ALDH1L1: variants seen among roughly 807,000 people sequenced by gnomAD.
The protein encoded by ALDH1L1 is cytosolic 10-formyltetrahydrofolate dehydrogenase.
In ALDH1L1, 68 loss-of-function variants were observed where a neutral mutation model predicts 101.1. The observed-to-expected ratio is 0.67, with a 90% CI of 0.55 to 0.82. The LOEUF is 0.82. Ranked by LOEUF, ALDH1L1 falls within the 40% of genes least tolerant of loss-of-function variation. ALDH1L1 has a pLI of 0.00. For missense variants in ALDH1L1, 1,087 were observed against 1,172.7 expected, an observed-to-expected ratio of 0.93 and a Z score of 1.07; for synonymous variants, 486 against 470.8, an observed-to-expected ratio of 1.03 and a Z score of -0.42.
At chr3:126,123,043 T>C (rs959631311) in intron 16 of ALDH1L1, among the ~76,000 whole-genome samples, 3 of 152,176 alleles carry the variant, frequency 2.0e-5, no homozygotes, top group African/African-American at 7.2e-5. Context: ...ATATGTTATA[T>C]ATGGAGGCAC....
At chr3:126,124,286 AT>A in intron 16 of ALDH1L1, 77 bp downstream of exon 16, 1 of 1,323,940 alleles carries the variant, frequency 7.6e-7, no homozygotes, top group Non-Finnish European at 1.0e-6. Context: ...TCACGCCACT[AT>A]CCAGTAGGGC....
At position 126,103,689 on chromosome 3, in the gene ALDH1L1, A is replaced by G. The variant is rs1209995437; in HGVS notation, c.*102T>C. The G allele has an allele frequency of 1.6e-6, 2 of 1,285,296 alleles. No individual in the cohort carries two copies. The highest frequency in any genetic ancestry group is 4.9e-5 in the East Asian group (2 of 40,738). The allele number at this position is 1,285,296 out of a possible 1,614,324, so 79.6% of individuals were successfully genotyped here. ...ATGGTGTGCAGGCAGGAGGGCTTCC[A>G]CTAGCCCCCCAGGTGGGAGGTGCTG... On this transcript the variant is annotated 3_prime_UTR_variant, in exon 23 of 23. Coordinates refer to ENST00000393434, the MANE Select transcript of ALDH1L1 (RefSeq NM_012190.4).
intron 17 of ALDH1L1, among the ~76,000 whole-genome samples, chr3:126,116,020 A>AT (rs2079961852): frequency 6.7e-6 from 1 of 148,956 alleles, no homozygotes; most frequent in Non-Finnish European, 1.5e-5. Context: ...ATATAGGCAT[A>AT]TACCACCACA....
At chr3:126,185,708 C>T (rs2081512196), upstream of ALDH1L1, among the ~76,000 whole-genome samples, 1 of 152,116 alleles carries the variant, frequency 6.6e-6, no homozygotes, top group African/African-American at 2.4e-5. Context: ...GTGGGTTTCA[C>T]TCTGTTGTCC....
chr3:126,157,457 A>G lies in ALDH1L1; in HGVS notation c.414T>C (p.Asp138=), dbSNP rs754313032. ...KKGGFSIFWA[D]DGLDTGDLLL... The stretch of plus-strand genomic sequence containing the variant: ...GCAGGTCTCCGGTGTCCAGACCATC[A>G]TCCGCCCAGAAGATGGAAAACCCCC... The change falls in exon 4 of 23, where the codon GAT becomes GAC. Residue 138 remains aspartate, a synonymous_variant. Transcript: ENST00000393434. 1.2e-6 allele frequency: 2 copies of G among 1,614,086 alleles called. No individual in the cohort carries two copies. Among genetic ancestry groups the G allele is most frequent in the South Asian group, 2.2e-5 (2 of 91,060 alleles).
intron 19 of ALDH1L1, among the ~76,000 whole-genome samples, chr3:126,112,559 T>G (rs571926796): frequency 6.6e-6 from 1 of 152,334 alleles, no homozygotes; most frequent in Admixed American, 6.5e-5. Flanking sequence ...TTTTTGGTGA[T>G]GTCAGTTTTG....
chr3:126,106,753 G>C (rs1360873765), intron 21 of ALDH1L1, among the ~76,000 whole-genome samples: 2 of 152,208 alleles, frequency 1.3e-5, no homozygotes, highest in African/African-American at 4.8e-5. Context: ...GCAGAGATGG[G>C]TTTGCCTCAT....
chr3:126,112,707 C>G lies in ALDH1L1; in HGVS notation c.2181+75G>C, dbSNP rs888988050. On this transcript the variant is annotated intron_variant, in intron 19 of 22. Coordinates refer to ENST00000393434, the MANE Select transcript of ALDH1L1 (RefSeq NM_012190.4). ...CTCACTTGACCCTGCCCTGTCTCCC[C>G]TCCTCCAACCCCCTCCAGCCAGGCG... 6 of 1,443,780 alleles carry G rather than the reference C, an allele frequency of 4.2e-6. No homozygotes were observed. In the African/African-American group the frequency reaches 9.0e-5, roughly 22 times the overall value. The allele number at this position is 1,443,780 out of a possible 1,614,324, so 89.4% of individuals were successfully genotyped here.
chr3:126,135,088 A>G (rs1248815207), intron 12 of ALDH1L1: 2 of 151,502 alleles, frequency 1.3e-5, no homozygotes, highest in South Asian at 4.2e-4. Flanking sequence ...AAAATGTGAA[A>G]CCTATAGATT....
At position 126,114,985 on chromosome 3, in the gene ALDH1L1, G is replaced by A. The variant is rs745785156; in HGVS notation, c.1983-329C>T. ...CCGTATAAAACCACAGCCTGCCTGTGCACCCCATCTGCTGTCCTTTCCTCT... is the reference window on the plus strand; with the variant it reads ...CCGTATAAAACCACAGCCTGCCTGTACACCCCATCTGCTGTCCTTTCCTCT... On this transcript the variant is annotated intron_variant, in intron 17 of 22. Transcript: ENST00000393434. The A allele has an allele frequency of 2.8e-5, 13 of 471,618 alleles. No individual in the cohort carries two copies. In the East Asian group the frequency reaches 8.3e-4, roughly 30 times the overall value. 29.2% of individuals were successfully genotyped at this position (471,618 alleles called of 1,614,324 possible). A position where few individuals can be genotyped will look rare whatever the true frequency, so the allele number is the denominator to read the frequency against.
chr3:126,174,161 C>A (rs1262705016), intron 1 of ALDH1L1, among the ~76,000 whole-genome samples: 1 of 152,102 alleles, frequency 6.6e-6, no homozygotes, highest in Non-Finnish European at 1.5e-5. Flanking sequence ...GCCTCAGCCG[C>A]CCGAGTAGCT....
At chr3:126,124,265 C>T in intron 16 of ALDH1L1, 99 bp downstream of exon 16, 1 of 1,102,562 alleles carries the variant, frequency 9.1e-7, no homozygotes, top group East Asian at 2.7e-5. Flanking sequence ...TCTCCCCAGG[C>T]TACTCTGCCC....
chr3:126,113,386 C>G (rs1397992195), intron 18 of ALDH1L1, among the ~76,000 whole-genome samples: 1 of 152,196 alleles, frequency 6.6e-6, no homozygotes, highest in Non-Finnish European at 1.5e-5. Context: ...AGAGGTGGGG[C>G]AGCCCTGGCC....
chr3:126,193,439 T>C (rs779389534), intron 1 of ALDH1L1, among the ~76,000 whole-genome samples: 2 of 152,206 alleles, frequency 1.3e-5, no homozygotes, highest in Non-Finnish European at 2.9e-5. Flanking sequence ...TCCTATAATT[T>C]TGTTTTTTTA....
At chr3:126,157,576 C>A in intron 3 of ALDH1L1, 68 bp from the exon 4 acceptor site, 2 of 1,531,648 alleles carry the variant, frequency 1.3e-6, no homozygotes. Flanking sequence ...TGGGTACAGG[C>A]CCGTGGACCT....
chr3:126,149,350 G>C (rs1196557783), intron 8 of ALDH1L1, among the ~76,000 whole-genome samples: 1 of 152,082 alleles, frequency 6.6e-6, no homozygotes, highest in Non-Finnish European at 1.5e-5. Context: ...ACAGATGCAG[G>C]ACTTGGCTGC....
intron 18 of ALDH1L1, among the ~76,000 whole-genome samples, chr3:126,114,164 T>C (rs1478195026): frequency 6.6e-6 from 1 of 152,244 alleles, no homozygotes; most frequent in African/African-American, 2.4e-5. Flanking sequence ...TACATATAGA[T>C]GGTAAAATGG....
At chr3:126,148,338 C>T (rs1203149667) in intron 8 of ALDH1L1, among the ~76,000 whole-genome samples, 2 of 152,228 alleles carry the variant, frequency 1.3e-5, no homozygotes, top group Non-Finnish European at 2.9e-5. Flanking sequence ...ACTGCCCAGC[C>T]TCAGCTCATG....
At chr3:126,112,952 C>T in intron 18 of ALDH1L1, 72 bp from the exon 19 acceptor site, 1 of 1,408,108 alleles carries the variant, frequency 7.1e-7, no homozygotes, top group Non-Finnish European at 9.9e-7. Flanking sequence ...TGCCAGGGCC[C>T]AGCCGCCTCT....
Sources: allele counts gnomAD v4.1 joint callset (sites outside exome capture counted in the v4.1 genomes callset), GRCh38; gene constraint gnomAD v4.1.1; transcripts MANE v1.5; gene names NCBI Gene and HGNC (gene_info 2026-07-23, HGNC 2026-07-21).